Variants in MAP4K3 observed in about 807,000 individuals in gnomAD.
MAP4K3 encodes the protein MAPK/ERK kinase kinase kinase 3.
In MAP4K3, 94 loss-of-function variants were observed where a neutral mutation model predicts 143.5. The observed-to-expected ratio is 0.65, with a 90% CI of 0.55 to 0.78. The LOEUF (loss-of-function observed/expected upper bound fraction) is 0.78. Among genes scored for constraint, MAP4K3 ranks in the 30% least tolerant of loss-of-function variants. MAP4K3 has a pLI of 0.00. For missense variants in MAP4K3, 1,077 were observed against 1,068.1 expected, an observed-to-expected ratio of 1.01 and a Z score of -0.12; for synonymous variants, 416 against 347.2, an observed-to-expected ratio of 1.20 and a Z score of -2.20.
In MAP4K3 at chr2:39,292,821, T is replaced by C. The variant is rs1682104300; in HGVS notation, c.1223A>G (p.His408Arg). Residue 408 changes from histidine (H) to arginine (R), a missense_variant, in exon 18 of 34, where the codon CAC becomes CGC. This residue lies in a region of MAP4K3 where 864 missense variants were observed against 801.2 expected (regional missense o/e 1.08). Transcript: ENST00000263881. The stretch of plus-strand genomic sequence containing the variant: ...TTCATCATCTTCTAAATGTGCGACG[T>C]GTCCTCTAAATAAAAAGGATAATGT... The part of the protein sequence containing the change: ...SVEEELHQRG[H>R]VAHLEDDEGD... 6.2e-7 allele frequency: 1 copy of C among 1,612,030 alleles called. No homozygotes were observed.
intron 2 of MAP4K3, among the ~76,000 whole-genome samples, chr2:39,359,152 G>A (rs1001567196): frequency 6.6e-6 from 1 of 152,118 alleles, no homozygotes; most frequent in Non-Finnish European, 1.5e-5. Context: ...ACAGGCATTG[G>A]GTAAATACAG....
chr2:39,384,110 AT>A (rs1316114831), intron 1 of MAP4K3, among the ~76,000 whole-genome samples: 2 of 143,340 alleles, frequency 1.4e-5, no homozygotes, highest in African/African-American at 6.0e-5. Context: ...TAAGACCAGT[AT>A]TAAAAAAAAA....
intron 26 of MAP4K3, among the ~76,000 whole-genome samples, chr2:39,269,620 TG>T (rs1224981939): frequency 2.6e-5 from 4 of 152,042 alleles, no homozygotes; most frequent in Admixed American, 6.6e-5. Flanking sequence ...AACTACAGGC[TG>T]TATCAATTTA....
chr2:39,299,444 T>C (rs1682419477), intron 16 of MAP4K3, among the ~76,000 whole-genome samples: 1 of 152,172 alleles, frequency 6.6e-6, no homozygotes, highest in Non-Finnish European at 1.5e-5. Context: ...AATAAACAGA[T>C]CAGTTTTAGA....
At chr2:39,317,618 GA>G in intron 12 of MAP4K3, among the ~76,000 whole-genome samples, 1 of 151,632 alleles carries the variant, frequency 6.6e-6, no homozygotes, top group South Asian at 2.1e-4. Flanking sequence ...CTTTTCAAAA[GA>G]AGACATATAC....
intron 1 of MAP4K3, among the ~76,000 whole-genome samples, chr2:39,413,112 G>A (rs1002347013): frequency 2.6e-5 from 4 of 152,158 alleles, no homozygotes; most frequent in Non-Finnish European, 4.4e-5. Context: ...AGTACATCTC[G>A]ATGTTCCATT....
chr2:39,356,285 T>C lies in MAP4K3; in HGVS notation c.209A>G (p.His70Arg). The part of the protein sequence containing the change: ...QEIIMMKDCK[H>R]PNIVAYFGSY... Reference sequence around the variant, plus strand: ...TCCAAAATAAGCAACAATATTTGGGTGTTTACAGTCTTTCATCATAATAAT... The same window carrying C: ...TCCAAAATAAGCAACAATATTTGGGCGTTTACAGTCTTTCATCATAATAAT... The change falls in exon 3 of 34, where the codon CAC becomes CGC. Residue 70 changes from histidine to arginine, a missense_variant. Physicochemically the swap from His to Arg is conservative, Grantham distance 29. Transcript: ENST00000263881. 6.2e-7 allele frequency: 1 copy of C among 1,603,364 alleles called. No individual in the cohort carries two copies. Among genetic ancestry groups the C allele is most frequent in the Non-Finnish European group, 8.5e-7 (1 of 1,175,190 alleles).
chr2:39,375,030 G>C (rs1163360647), intron 2 of MAP4K3, among the ~76,000 whole-genome samples: 1 of 152,174 alleles, frequency 6.6e-6, no homozygotes, highest in Non-Finnish European at 1.5e-5. Context: ...GGAAGGCCGA[G>C]GTGAGAGGTC....
At chr2:39,429,560 A>G (rs1665218467) in intron 1 of MAP4K3, among the ~76,000 whole-genome samples, 1 of 152,216 alleles carries the variant, frequency 6.6e-6, no homozygotes, top group African/African-American at 2.4e-5. Context: ...ATAATGCACT[A>G]TAGGTATGTA....
At chr2:39,374,680 AC>A (rs1666172052) in intron 2 of MAP4K3, among the ~76,000 whole-genome samples, 1 of 152,080 alleles carries the variant, frequency 6.6e-6, no homozygotes, top group Non-Finnish European at 1.5e-5. Flanking sequence ...AGACTCCATC[AC>A]AAATTAAAAA....
intron 1 of MAP4K3, among the ~76,000 whole-genome samples, chr2:39,395,263 G>A (rs949131712): frequency 1.3e-5 from 2 of 152,008 alleles, no homozygotes; most frequent in Admixed American, 1.3e-4. Flanking sequence ...ATAGCTTGCT[G>A]CTGACAAATC....
intron 1 of MAP4K3, among the ~76,000 whole-genome samples, chr2:39,386,735 T>C (rs547968014): frequency 1.3e-5 from 2 of 152,294 alleles, no homozygotes; most frequent in African/African-American, 2.4e-5. Context: ...CTGGACCCCA[T>C]GTTGATCTAT....
At chr2:39,436,225 T>C (rs1228397080) in intron 1 of MAP4K3, among the ~76,000 whole-genome samples, 6 of 151,992 alleles carry the variant, frequency 3.9e-5, no homozygotes, top group Non-Finnish European at 8.8e-5. Flanking sequence ...GTCAAACCAG[T>C]ACCTTCCCTA....
intron 12 of MAP4K3, among the ~76,000 whole-genome samples, chr2:39,322,370 T>C (rs1318324101): frequency 2.6e-5 from 4 of 152,188 alleles, no homozygotes; most frequent in African/African-American, 4.8e-5. Flanking sequence ...ATTAATTTAT[T>C]AGCATAACAG....
chr2:39,379,273 A>C (rs889320472), intron 1 of MAP4K3, among the ~76,000 whole-genome samples: 6 of 152,098 alleles, frequency 3.9e-5, no homozygotes, highest in Admixed American at 3.3e-4. Context: ...AAATTTAACC[A>C]TTTAACTCTA....
At chr2:39,312,228 ATGTAT>A (rs1682964673) in intron 13 of MAP4K3, among the ~76,000 whole-genome samples, 1 of 152,156 alleles carries the variant, frequency 6.6e-6, no homozygotes, top group African/African-American at 2.4e-5. Flanking sequence ...TTGCTTTCTA[ATGTAT>A]TGAATGTTTC....
chr2:39,385,082 T>C (rs907129604), intron 1 of MAP4K3, among the ~76,000 whole-genome samples: 1 of 152,250 alleles, frequency 6.6e-6, no homozygotes, highest in Non-Finnish European at 1.5e-5. Context: ...GGTTCCACTG[T>C]ATGGATTTAC....
intron 1 of MAP4K3, among the ~76,000 whole-genome samples, chr2:39,387,308 T>C (rs543413277): frequency 6.6e-6 from 1 of 152,304 alleles, no homozygotes; most frequent in African/African-American, 2.4e-5. Context: ...ATTAAATCTA[T>C]AGATCAATTT....
In MAP4K3 at chr2:39,395,950, A is replaced by G. The variant is rs558559485; in HGVS notation, c.97-17827T>C. On this transcript the variant is annotated intron_variant, in intron 1 of 33. Coordinates refer to ENST00000263881, the MANE Select transcript of MAP4K3 (RefSeq NM_003618.4). Reference sequence around the variant, plus strand: ...AAAAGTTCAGGATGATAGATACAGTATTCATTATGTAGAATATATGTATAC... The same window carrying G: ...AAAAGTTCAGGATGATAGATACAGTGTTCATTATGTAGAATATATGTATAC... Among the ~76,000 whole-genome samples the G allele has an allele frequency of 1.1e-3, 164 of 151,600 alleles. 1 individual carries two copies. The highest frequency in any genetic ancestry group is 3.6e-3 in the African/African-American group (148 of 40,892).
Sources: gnomAD v4.1 joint callset for allele counts (sites outside exome capture counted in the v4.1 genomes callset) on GRCh38, gnomAD v4.1.1 for gene constraint, gnomAD v4.1.1 regional missense constraint, MANE v1.5 for transcripts, NCBI Gene and HGNC (gene_info 2026-07-23, HGNC 2026-07-21) for gene names.